Variants in DAB1 observed in about 807,000 individuals in gnomAD.
DAB1 encodes the protein DAB adaptor protein 1.
A neutral mutation model predicts 64.6 loss-of-function variants in DAB1; 15 were observed. The ratio of observed to expected loss-of-function variants is 0.23; its 90% confidence interval spans 0.16 to 0.36. DAB1 has a LOEUF of 0.36. Among genes scored for constraint, DAB1 ranks in the 10% least tolerant of loss-of-function variants. The probability of loss-of-function intolerance (pLI) is 1.00; values close to 1 mark genes in which losing one functional copy is unlikely to be tolerated. For synonymous variants in DAB1, 235 were observed against 251.9 expected, an observed-to-expected ratio of 0.93 and a Z score of 0.64; for missense variants, 596 against 706.7, an observed-to-expected ratio of 0.84 and a Z score of 1.78.
At chr1:57,136,848 T>C (rs538741165) in intron 3 of DAB1, among the ~76,000 whole-genome samples, 1 of 152,160 alleles carries the variant, frequency 6.6e-6, no homozygotes, top group African/African-American at 2.4e-5. Context: ...TAACACATTG[T>C]ATAGAGAAAT....
chr1:57,913,438 T>C (rs1025205968), intron 5 of DAB1, among the ~76,000 whole-genome samples: 2 of 152,208 alleles, frequency 1.3e-5, no homozygotes, highest in African/African-American at 4.8e-5. Flanking sequence ...TTTACAAAAA[T>C]TAATTCAAGA....
At chr1:57,077,061 AC>A (rs1255130832) in intron 4 of DAB1, among the ~76,000 whole-genome samples, 1 of 152,216 alleles carries the variant, frequency 6.6e-6, no homozygotes, top group Admixed American at 6.5e-5. Flanking sequence ...CCAGTGTGTC[AC>A]ATAGGCTTGG....
intron 5 of DAB1, among the ~76,000 whole-genome samples, chr1:58,085,688 T>A (rs1650257911): frequency 1.3e-5 from 2 of 151,956 alleles, no homozygotes; most frequent in Non-Finnish European, 2.9e-5. Flanking sequence ...TTAAATACAA[T>A]CAGTCTCTTT....
At chr1:57,965,957 T>C (rs568335302) in intron 5 of DAB1, among the ~76,000 whole-genome samples, 1 of 152,150 alleles carries the variant, frequency 6.6e-6, no homozygotes, top group Non-Finnish European at 1.5e-5. Flanking sequence ...AGAGGAAATC[T>C]GATAAATTCT....
At chr1:57,615,429 G>A (rs1272943371) in intron 7 of DAB1, among the ~76,000 whole-genome samples, 2 of 152,212 alleles carry the variant, frequency 1.3e-5, no homozygotes, top group East Asian at 3.9e-4. Context: ...GACAGAGCAG[G>A]AAGCTGGAAG....
intron 7 of DAB1, among the ~76,000 whole-genome samples, chr1:57,636,095 T>TCAA (rs1646050594): frequency 3.1e-5 from 1 of 31,902 alleles, no homozygotes. Context: ...AGACACGGTC[T>TCAA]CAAAAAAAAA....
At chr1:57,220,315 C>T (rs1666762683) in intron 2 of DAB1, among the ~76,000 whole-genome samples, 1 of 152,180 alleles carries the variant, frequency 6.6e-6, no homozygotes, top group African/African-American at 2.4e-5. Context: ...GAGCTAAAAT[C>T]ATTCAGCTGC....
At chr1:57,619,630 G>A (rs910252611) in intron 7 of DAB1, among the ~76,000 whole-genome samples, 2 of 152,044 alleles carry the variant, frequency 1.3e-5, no homozygotes, top group Non-Finnish European at 2.9e-5. Context: ...TTGAACTCCT[G>A]GGCTCAAGTG....
At chr1:57,940,923 C>T (rs1645095106) in intron 5 of DAB1, among the ~76,000 whole-genome samples, 2 of 152,102 alleles carry the variant, frequency 1.3e-5, no homozygotes. Context: ...AGAAAAAAAC[C>T]CTAGCAGAGA....
chr1:57,116,870 T>C (rs931242082), intron 4 of DAB1, among the ~76,000 whole-genome samples: 3 of 152,212 alleles, frequency 2.0e-5, no homozygotes, highest in African/African-American at 4.8e-5. Flanking sequence ...AGGAGCACCA[T>C]GGAGAGAATT....
intron 2 of DAB1, among the ~76,000 whole-genome samples, chr1:58,520,310 A>C (rs1375583003): frequency 6.6e-6 from 1 of 152,208 alleles, no homozygotes; most frequent in Non-Finnish European, 1.5e-5. Context: ...TGCAAGACAC[A>C]TATCTGACAA....
At chr1:57,463,077 G>C (rs1478751850) in intron 7 of DAB1, among the ~76,000 whole-genome samples, 4 of 152,052 alleles carry the variant, frequency 2.6e-5, no homozygotes, top group Admixed American at 1.3e-4. Context: ...GGTAGCAAGG[G>C]CTTCATATTT....
intron 7 of DAB1, among the ~76,000 whole-genome samples, chr1:57,529,582 C>T (rs576719258): frequency 5.7e-4 from 86 of 152,080 alleles, no homozygotes; most frequent in African/African-American, 2.0e-3. Flanking sequence ...TATATTAATA[C>T]CTGACACAAT....
intron 7 of DAB1, among the ~76,000 whole-genome samples, chr1:57,507,203 C>T (rs532435831): frequency 3.3e-5 from 5 of 152,250 alleles, no homozygotes; most frequent in South Asian, 4.1e-4. Context: ...TCACCTATTA[C>T]GACCCTACAT....
intron 6 of DAB1, among the ~76,000 whole-genome samples, chr1:57,771,412 G>A (rs1649555570): frequency 6.6e-6 from 1 of 152,168 alleles, no homozygotes; most frequent in South Asian, 2.1e-4. Flanking sequence ...TTCCTAACAG[G>A]AAAGTGCTCT....
intron 6 of DAB1, among the ~76,000 whole-genome samples, chr1:57,752,114 G>C (rs1048461753): frequency 1.3e-5 from 2 of 152,178 alleles, no homozygotes; most frequent in Non-Finnish European, 2.9e-5. Flanking sequence ...TTCAGGCGCG[G>C]ATTCAAACCC....
chr1:57,284,040 A>G (rs1672119911), intron 2 of DAB1, among the ~76,000 whole-genome samples: 1 of 152,244 alleles, frequency 6.6e-6, no homozygotes, highest in Admixed American at 6.5e-5. Context: ...TATTAAAATA[A>G]AAATGTACTT....
intron 4 of DAB1, among the ~76,000 whole-genome samples, chr1:58,225,322 A>G (rs1400433989): frequency 2.6e-5 from 4 of 152,154 alleles, no homozygotes; most frequent in East Asian, 1.9e-4. Context: ...ACAGGTGCTG[A>G]AGAGGATGTG....
intron 4 of DAB1, among the ~76,000 whole-genome samples, chr1:58,241,516 G>A (rs1440770951): frequency 6.6e-6 from 1 of 151,856 alleles, no homozygotes; most frequent in Non-Finnish European, 1.5e-5. Context: ...TAAATAAAGA[G>A]ATCATTATAA....
Sources: allele counts gnomAD v4.1 joint callset (sites outside exome capture counted in the v4.1 genomes callset), GRCh38; gene constraint gnomAD v4.1.1; transcripts MANE v1.5; gene names NCBI Gene and HGNC (gene_info 2026-07-23, HGNC 2026-07-21).